The following ARMH3 variants were observed in gnomAD, a reference collection of about 807,000 sequenced individuals.
ARMH3 encodes armadillo like helical domain containing 3.
In ARMH3, 60 loss-of-function variants were observed where a neutral mutation model predicts 99.1. That is an observed-to-expected ratio of 0.61 (90% CI 0.49 to 0.75). The LOEUF (loss-of-function observed/expected upper bound fraction) is 0.75. Ranked by LOEUF, ARMH3 falls within the 30% of genes least tolerant of loss-of-function variation. The probability of loss-of-function intolerance (pLI) is 0.00; values close to 1 mark genes in which losing one functional copy is unlikely to be tolerated. For synonymous variants in ARMH3, 285 were observed against 292.8 expected, an observed-to-expected ratio of 0.97 and a Z score of 0.27; for missense variants, 679 against 843.1, an observed-to-expected ratio of 0.81 and a Z score of 2.41.
At chr10:101,932,349 A>C (rs1039160076) in intron 23 of ARMH3, among the ~76,000 whole-genome samples, 2 of 152,228 alleles carry the variant, frequency 1.3e-5, no homozygotes, top group Non-Finnish European at 2.9e-5. Flanking sequence ...AGCCACTTTG[A>C]GTGACAGTTA....
At chr10:102,037,543 C>T (rs961636102) in intron 2 of ARMH3, among the ~76,000 whole-genome samples, 3 of 151,840 alleles carry the variant, frequency 2.0e-5, no homozygotes, top group South Asian at 2.1e-4. Context: ...CTTCTCACAA[C>T]GTCCTCATTT....
At chr10:101,878,542 G>A (rs2067326537) in intron 24 of ARMH3, among the ~76,000 whole-genome samples, 2 of 151,976 alleles carry the variant, frequency 1.3e-5, no homozygotes, top group South Asian at 4.1e-4. Context: ...GAGAGGCTGA[G>A]GCAGGAAGAC....
At chr10:102,034,131 G>C (rs2067195799) in intron 2 of ARMH3, among the ~76,000 whole-genome samples, 1 of 152,156 alleles carries the variant, frequency 6.6e-6, no homozygotes, top group South Asian at 2.1e-4. Context: ...TACCACAGTG[G>C]TTTTTACAGC....
Position 102,010,087 on chromosome 10 carries a change from G to A in ARMH3, c.832-64C>T, listed in dbSNP as rs2066598305. On this transcript the variant is annotated intron_variant, in intron 11 of 25. Transcript: ENST00000370033. The stretch of plus-strand genomic sequence containing the variant: ...GGATATGAGAGGAGCTTTATGCCTA[G>A]GAAGCCTTTTATCAGTGAAGAAAAC... 1.4e-5 allele frequency: 21 copies of A among 1,500,990 alleles called. No individual in the cohort carries two copies. The South Asian group carries it at 2.4e-4, about 17-fold the overall frequency. 93.0% of individuals were successfully genotyped at this position (1,500,990 alleles called of 1,614,324 possible). A position where few individuals can be genotyped will look rare whatever the true frequency, so the allele number is the denominator to read the frequency against.
chr10:101,890,692 T>C (rs966920855), intron 23 of ARMH3, among the ~76,000 whole-genome samples: 7 of 152,190 alleles, frequency 4.6e-5, no homozygotes, highest in African/African-American at 1.7e-4. Flanking sequence ...ACAGTAACTT[T>C]ATAGCAAAGA....
Position 101,931,417 on chromosome 10 carries a change from C to T in ARMH3, c.1781+8446G>A, listed in dbSNP as rs202178477. On this transcript the variant is annotated intron_variant, in intron 23 of 25. Coordinates refer to ENST00000370033, the MANE Select transcript of ARMH3 (RefSeq NM_024541.3). The stretch of plus-strand genomic sequence containing the variant: ...GTGGGCACCGATAATCCTGGCTACT[C>T]GGGAGGCTGAGGCAGGAGAATCGCT... 5.3e-5 allele frequency among the ~76,000 whole-genome samples: 8 copies of T among 151,850 alleles called. No individual in the cohort carries two copies. In the East Asian group the frequency reaches 1.5e-3, roughly 29 times the overall value.
intron 24 of ARMH3, among the ~76,000 whole-genome samples, chr10:101,856,101 G>A (rs1460952428): frequency 1.3e-5 from 2 of 152,128 alleles, no homozygotes; most frequent in African/African-American, 2.4e-5. Context: ...TTGGAAGTAT[G>A]ATTTGTGGAG....
chr10:101,908,542 A>G (rs1842730221), intron 23 of ARMH3, among the ~76,000 whole-genome samples: 2 of 152,204 alleles, frequency 1.3e-5, no homozygotes, highest in Non-Finnish European at 2.9e-5. Context: ...ACTGAAATAT[A>G]GCAAATGTCC....
Position 102,006,653 on chromosome 10 carries a change from G to A in ARMH3, c.955-20C>T, listed in dbSNP as rs2136086007. On this transcript the variant is annotated intron_variant, in intron 13 of 25. Coordinates refer to ENST00000370033, the MANE Select transcript of ARMH3 (RefSeq NM_024541.3). ...ATGGCTCTGAAAAAGATACACAGAT[G>A]TGTAAGAAAACAGAAAATCCAGTTC... 1 of 1,607,084 alleles carries A rather than the reference G, an allele frequency of 6.2e-7. No homozygotes were observed. Among genetic ancestry groups the A allele is most frequent in the Non-Finnish European group, 8.5e-7 (1 of 1,173,760 alleles).
At chr10:101,957,611 T>C (rs1197234191) in intron 21 of ARMH3, 39 bp downstream of exon 21, 2 of 1,572,838 alleles carry the variant, frequency 1.3e-6, no homozygotes, top group East Asian at 4.5e-5. Flanking sequence ...TGCCTTAGCA[T>C]ATGGCTTCAG....
At chr10:101,894,557 C>G (rs2067770486) in intron 23 of ARMH3, among the ~76,000 whole-genome samples, 1 of 152,212 alleles carries the variant, frequency 6.6e-6, no homozygotes, top group Non-Finnish European at 1.5e-5. Context: ...AGGACTCATG[C>G]TTGACTAGCT....
chr10:101,905,587 G>C (rs935365480), intron 23 of ARMH3, among the ~76,000 whole-genome samples: 4 of 152,188 alleles, frequency 2.6e-5, no homozygotes, highest in African/African-American at 9.6e-5. Flanking sequence ...CTAGGTAAAA[G>C]CATGTGCAGA....
intron 23 of ARMH3, among the ~76,000 whole-genome samples, chr10:101,895,298 G>A (rs1019306772): frequency 3.9e-5 from 5 of 127,808 alleles, no homozygotes; most frequent in Admixed American, 8.6e-5. Flanking sequence ...TTTTTTTTTC[G>A]AGAGGGCGTC....
At chr10:102,015,437 C>A (rs2066726798) in intron 8 of ARMH3, among the ~76,000 whole-genome samples, 1 of 149,946 alleles carries the variant, frequency 6.7e-6, no homozygotes, top group African/African-American at 2.5e-5. Context: ...GTTGCCCAGG[C>A]TGGAGTGCAA....
intron 8 of ARMH3, 56 bp downstream of exon 8, chr10:102,023,420 GC>G: frequency 6.8e-7 from 1 of 1,468,360 alleles, no homozygotes; most frequent in Non-Finnish European, 9.4e-7. Flanking sequence ...TTTAGGAGGG[GC>G]CGCATTTAAG....
Position 101,970,598 on chromosome 10 carries a change from G to A in ARMH3, c.1495+4614C>T, listed in dbSNP as rs1200876881. Among the ~76,000 whole-genome samples, 3 of 152,148 alleles carry A rather than the reference G, an allele frequency of 2.0e-5. No individual in the cohort carries two copies. In the East Asian group the frequency reaches 5.8e-4, roughly 29 times the overall value. ...ACAATTTGGGAGGCCAAAGCAGGCA[G>A]ATCACTTGAGTCCAGGACTTCAAGA... On this transcript the variant is annotated intron_variant, in intron 20 of 25. Transcript: ENST00000370033.
intron 23 of ARMH3, among the ~76,000 whole-genome samples, chr10:101,902,818 T>C (rs757409916): frequency 2.6e-5 from 4 of 151,890 alleles, no homozygotes; most frequent in Non-Finnish European, 5.9e-5. Flanking sequence ...GCACCTCCAG[T>C]AATAGCTAGT....
At chr10:101,988,945 A>AAG (rs1846641691) in intron 19 of ARMH3, among the ~76,000 whole-genome samples, 2 of 149,310 alleles carry the variant, frequency 1.3e-5, no homozygotes. Flanking sequence ...AAAAAAAAAA[A>AAG]GCAAGCTAGA....
At chr10:101,966,310 TTTTTG>T (rs1375542307) in intron 20 of ARMH3, among the ~76,000 whole-genome samples, 1 of 134,566 alleles carries the variant, frequency 7.4e-6, no homozygotes, top group East Asian at 2.1e-4. Flanking sequence ...TTTTTTTTTT[TTTTTG>T]AGACAGGCTG....
Sources: gnomAD v4.1 joint callset for allele counts (sites outside exome capture counted in the v4.1 genomes callset) on GRCh38, gnomAD v4.1.1 for gene constraint, MANE v1.5 for transcripts, NCBI Gene and HGNC (gene_info 2026-07-23, HGNC 2026-07-21) for gene names.